Variants in MALRD1 observed in about 807,000 individuals in gnomAD.
The protein encoded by MALRD1 is MAM and LDL receptor class A domain containing 1, also known as MAM and LDL-receptor class A domain-containing protein 1.
Under a neutral mutation model 242.1 loss-of-function variants are expected in MALRD1, and 247 were observed. That is an observed-to-expected ratio of 1.02 (90% CI 0.92 to 1.13). The LOEUF (loss-of-function observed/expected upper bound fraction) is 1.13. Among genes scored for constraint, MALRD1 ranks in the 50% most tolerant of loss-of-function variants. The pLI is 0.00. For synonymous variants in MALRD1, 995 were observed against 866.6 expected, an observed-to-expected ratio of 1.15 and a Z score of -2.60; for missense variants, 2,989 against 2,533.1, an observed-to-expected ratio of 1.18 and a Z score of -3.86.
At chr10:19,530,404 T>TAGAAATATATA (rs71388845) in intron 31 of MALRD1, among the ~76,000 whole-genome samples, 2 of 19,280 alleles carry the variant, frequency 1.0e-4, no homozygotes, top group African/African-American at 3.3e-4. Context: ...ATAAATATTA[T>TAGAAATATATA]ATATTTATAT....
intron 24 of MALRD1, among the ~76,000 whole-genome samples, chr10:19,336,717 G>A (rs1293551032): frequency 6.6e-6 from 1 of 152,034 alleles, no homozygotes; most frequent in Non-Finnish European, 1.5e-5. Context: ...TAAACTGTGG[G>A]CATTTGCTAA....
At chr10:19,387,835 T>G (rs1846152002) in intron 27 of MALRD1, 62 bp downstream of exon 27, 2 of 1,501,960 alleles carry the variant, frequency 1.3e-6, no homozygotes, top group African/African-American at 1.4e-5. Context: ...TCAAAATGTC[T>G]TTTCTGATAG....
At chr10:19,370,460 C>T (rs1436291690) in intron 26 of MALRD1, among the ~76,000 whole-genome samples, 1 of 136,182 alleles carries the variant, frequency 7.3e-6, no homozygotes, top group Non-Finnish European at 1.6e-5. Context: ...ATTGTCTCTA[C>T]TTTATTTTTT....
At chr10:19,280,663 A>T (rs1840758973) in intron 20 of MALRD1, among the ~76,000 whole-genome samples, 1 of 152,208 alleles carries the variant, frequency 6.6e-6, no homozygotes, top group African/African-American at 2.4e-5. Context: ...AGAGTTCATG[A>T]GAAAACCTAT....
chr10:19,694,031 A>G (rs1833240921), intron 38 of MALRD1, among the ~76,000 whole-genome samples: 1 of 152,194 alleles, frequency 6.6e-6, no homozygotes. Context: ...ATATGTAGAA[A>G]GCTGAAACTG....
At chr10:19,680,060 A>G (rs1842305208) in intron 36 of MALRD1, among the ~76,000 whole-genome samples, 1 of 152,250 alleles carries the variant, frequency 6.6e-6, no homozygotes, top group South Asian at 2.1e-4. Context: ...ACTTCCAATT[A>G]TGTGATCAAT....
chr10:19,399,373 CAT>C (rs1228455115), intron 28 of MALRD1, among the ~76,000 whole-genome samples: 2 of 152,148 alleles, frequency 1.3e-5, no homozygotes, highest in Non-Finnish European at 2.9e-5. Context: ...GTTTTCAGCA[CAT>C]GATAGTAACT....
chr10:19,368,633 T>A (rs1471821090), intron 26 of MALRD1, among the ~76,000 whole-genome samples: 2 of 151,970 alleles, frequency 1.3e-5, no homozygotes, highest in Non-Finnish European at 2.9e-5. Flanking sequence ...GTATTAAGGT[T>A]TTTTTATATC....
At chr10:19,451,177 A>G (rs1260475401) in intron 29 of MALRD1, among the ~76,000 whole-genome samples, 1 of 152,206 alleles carries the variant, frequency 6.6e-6, no homozygotes, top group Non-Finnish European at 1.5e-5. Flanking sequence ...TAATATTTAC[A>G]TGTATTTACC....
chr10:19,124,116 C>G (rs921205562), intron 6 of MALRD1, among the ~76,000 whole-genome samples: 5 of 151,008 alleles, frequency 3.3e-5, no homozygotes, highest in African/African-American at 1.2e-4. Flanking sequence ...ACTTGGGAGG[C>G]TGAGGCTGGA....
In MALRD1 at chr10:19,280,303, G is replaced by A. The variant is rs1840744118; in HGVS notation, c.3256+80G>A. 4 of 1,109,712 alleles carry A rather than the reference G, an allele frequency of 3.6e-6. No homozygotes were observed. In the South Asian group the frequency reaches 8.9e-5, roughly 25 times the overall value. 68.7% of individuals were successfully genotyped at this position (1,109,712 alleles called of 1,614,324 possible). A position where few individuals can be genotyped will look rare whatever the true frequency, so the allele number is the denominator to read the frequency against. ...TGTAATCTCTAAGTAGCACAGCCTA[G>A]CATCATAGTTAGATATATTCAACAT... is the stretch of plus-strand genomic sequence containing the variant. On this transcript the variant is annotated intron_variant, in intron 20 of 39. Coordinates refer to ENST00000454679, the MANE Select transcript of MALRD1 (RefSeq NM_001142308.3).
intron 36 of MALRD1, among the ~76,000 whole-genome samples, chr10:19,663,085 A>C (rs1244927530): frequency 6.6e-6 from 1 of 152,190 alleles, no homozygotes; most frequent in Non-Finnish European, 1.5e-5. Flanking sequence ...GATATACTGC[A>C]TAATGGCAAA....
chr10:19,437,085 A>C (rs547007892), intron 28 of MALRD1, among the ~76,000 whole-genome samples: 1 of 73,768 alleles, frequency 1.4e-5, no homozygotes, highest in African/African-American at 4.8e-5. Context: ...TAGCAAAACG[A>C]GTGTGATTTT....
At chr10:19,714,263 C>T (rs1383201771) in intron 38 of MALRD1, among the ~76,000 whole-genome samples, 2 of 152,052 alleles carry the variant, frequency 1.3e-5, no homozygotes, top group Non-Finnish European at 1.5e-5. Flanking sequence ...GACGGGGGAG[C>T]CAGAAGGGAA....
chr10:19,111,131 C>G, intron 5 of MALRD1, among the ~76,000 whole-genome samples: 1 of 139,908 alleles, frequency 7.1e-6, no homozygotes, highest in East Asian at 2.1e-4. Flanking sequence ...GGGACAAAGA[C>G]CAAGTAGATG....
intron 14 of MALRD1, among the ~76,000 whole-genome samples, chr10:19,194,474 T>C (rs532619391): frequency 1.3e-5 from 2 of 152,286 alleles, no homozygotes; most frequent in East Asian, 3.9e-4. Context: ...TTCTTCATTA[T>C]TCCCAGTTTC....
chr10:19,699,652 T>C (rs947190563), intron 38 of MALRD1, among the ~76,000 whole-genome samples: 1 of 152,118 alleles, frequency 6.6e-6, no homozygotes, highest in African/African-American at 2.4e-5. Context: ...GCAGGCTATA[T>C]AGGAAGCATA....
At chr10:19,237,595 T>C (rs1242747263) in intron 18 of MALRD1, among the ~76,000 whole-genome samples, 2 of 6,288 alleles carry the variant, frequency 3.2e-4, no homozygotes, top group African/African-American at 3.6e-3. Context: ...TATATAATTA[T>C]ATAATTATAA....
chr10:19,365,146 TTAAAATGAAA>T (rs1317085459), intron 26 of MALRD1, among the ~76,000 whole-genome samples: 1 of 152,146 alleles, frequency 6.6e-6, no homozygotes, highest in Non-Finnish European at 1.5e-5. Context: ...TATATTTAAT[TTAAAATGAAA>T]TAAAATGAAA....
Sources: allele counts gnomAD v4.1 joint callset (sites outside exome capture counted in the v4.1 genomes callset), GRCh38; gene constraint gnomAD v4.1.1; transcripts MANE v1.5; gene names NCBI Gene and HGNC (gene_info 2026-07-23, HGNC 2026-07-21).